OPCML: variants seen among roughly 807,000 people sequenced by gnomAD.
The protein encoded by OPCML is opioid binding protein/cell adhesion molecule like, also known as opioid-binding protein/cell adhesion molecule.
In OPCML, 13 loss-of-function variants were observed where a neutral mutation model predicts 37.8. The ratio of observed to expected loss-of-function variants is 0.34; its 90% confidence interval spans 0.22 to 0.55. The LOEUF (loss-of-function observed/expected upper bound fraction) is 0.55, where lower values mean the gene tolerates loss of function less well. OPCML is among the 20% of genes least tolerant of loss of function. The pLI is 0.91. For missense variants in OPCML, 341 were observed against 435.6 expected, an observed-to-expected ratio of 0.78 and a Z score of 1.93; for synonymous variants, 176 against 168.8, an observed-to-expected ratio of 1.04 and a Z score of -0.33.
intron 1 of OPCML, chr11:133,005,162 T>C (rs1947083613): frequency 1.0e-6 from 1 of 985,178 alleles, no homozygotes; most frequent in Non-Finnish European, 1.2e-6. Flanking sequence ...CCACTGACCC[T>C]CCACCCAATC....
chr11:133,060,072 GTTC>G (rs2136986086), intron 1 of OPCML, among the ~76,000 whole-genome samples: 1 of 152,156 alleles, frequency 6.6e-6, no homozygotes, highest in South Asian at 2.1e-4. Flanking sequence ...TTTTAAGGCC[GTTC>G]CTTTCTCTGG....
At chr11:132,716,643 A>T (rs562675166) in intron 2 of OPCML, among the ~76,000 whole-genome samples, 111 of 152,320 alleles carry the variant, frequency 7.3e-4, no homozygotes, top group African/African-American at 2.5e-3. Flanking sequence ...TTCCTATTTG[A>T]TATAACTTTA....
chr11:132,648,643 G>A (rs1042475817), intron 3 of OPCML, among the ~76,000 whole-genome samples: 1 of 151,546 alleles, frequency 6.6e-6, no homozygotes, highest in African/African-American at 2.4e-5. Context: ...CTGGGACTAC[G>A]GGCGCACGCC....
intron 3 of OPCML, among the ~76,000 whole-genome samples, chr11:132,536,988 C>T (rs947125828): frequency 6.6e-6 from 1 of 152,128 alleles, no homozygotes; most frequent in Non-Finnish European, 1.5e-5. Context: ...AGAATGGAGG[C>T]ATTGGATTGT....
At chr11:133,238,765 G>A (rs954863649) in intron 1 of OPCML, among the ~76,000 whole-genome samples, 23 of 152,066 alleles carry the variant, frequency 1.5e-4, no homozygotes, top group African/African-American at 5.1e-4. Flanking sequence ...CCAGTCCTTC[G>A]GGGAAAAAAA....
chr11:132,605,818 T>C (rs1224087124), intron 3 of OPCML, among the ~76,000 whole-genome samples: 2 of 152,168 alleles, frequency 1.3e-5, no homozygotes, highest in East Asian at 1.9e-4. Flanking sequence ...TAGTAGGTAC[T>C]CAACACATAG....
Position 132,929,487 on chromosome 11 carries a change from A to G in OPCML, c.146+13439T>C, listed in dbSNP as rs187819692. Among the ~76,000 whole-genome samples the G allele has an allele frequency of 5.3e-4, 80 of 152,292 alleles. No homozygotes were observed. The East Asian group carries it at 0.015, about 29-fold the overall frequency. On this transcript the variant is annotated intron_variant, in intron 2 of 7. Coordinates refer to ENST00000524381, the MANE Select transcript of OPCML (RefSeq NM_001012393.5). ...TTATCAAACATTTATAGGAGAATTA[A>G]CAGTTTTCCTATGACTCTCCCAAAA...
intron 2 of OPCML, among the ~76,000 whole-genome samples, chr11:132,911,488 G>C (rs1944426058): frequency 6.6e-6 from 1 of 152,226 alleles, no homozygotes; most frequent in Admixed American, 6.5e-5. Context: ...AGGAGAGTTT[G>C]CCTGATTGTC....
At chr11:133,191,168 T>C (rs891543619) in intron 1 of OPCML, among the ~76,000 whole-genome samples, 1 of 152,202 alleles carries the variant, frequency 6.6e-6, no homozygotes, top group South Asian at 2.1e-4. Flanking sequence ...TTTTTTATTA[T>C]GGCGAATGAG....
chr11:133,094,407 C>T (rs1948965567), intron 1 of OPCML, among the ~76,000 whole-genome samples: 1 of 152,128 alleles, frequency 6.6e-6, no homozygotes, highest in Non-Finnish European at 1.5e-5. Flanking sequence ...AGTCTACGAC[C>T]CATGATGATC....
rs1238823580 is a variant in OPCML at position 132,811,563 on chromosome 11, C to T, written c.146+131363G>A. 2.6e-5 allele frequency among the ~76,000 whole-genome samples: 4 copies of T among 152,096 alleles called. No individual in the cohort carries two copies. The East Asian group carries it at 5.8e-4, about 22-fold the overall frequency. On this transcript the variant is annotated intron_variant, in intron 2 of 7. Coordinates refer to ENST00000524381, the MANE Select transcript of OPCML (RefSeq NM_001012393.5). Reference sequence around the variant, plus strand: ...TGTCAACACCTCTTTCTTTCGGTTACGGTTTTGTGTATTTTTTCTTATGTG... The same window carrying T: ...TGTCAACACCTCTTTCTTTCGGTTATGGTTTTGTGTATTTTTTCTTATGTG...
chr11:133,024,480 G>T (rs934185794), intron 1 of OPCML: 19 of 985,170 alleles, frequency 1.9e-5, no homozygotes, highest in African/African-American at 1.4e-4. Context: ...AGAGGGGCAG[G>T]TTTCACGGGT....
chr11:132,548,443 G>A (rs2096373846), intron 3 of OPCML, among the ~76,000 whole-genome samples: 2 of 152,192 alleles, frequency 1.3e-5, no homozygotes, highest in African/African-American at 4.8e-5. Context: ...GCCTAGGGCA[G>A]GGGTGTTACT....
chr11:133,329,163 A>G (rs1259563724), intron 1 of OPCML, among the ~76,000 whole-genome samples: 1 of 152,220 alleles, frequency 6.6e-6, no homozygotes, highest in African/African-American at 2.4e-5. Context: ...ACTACAAACC[A>G]CTGCTCAAGG....
intron 1 of OPCML, chr11:133,298,634 A>T (rs953498434): frequency 6.6e-6 from 1 of 152,126 alleles, no homozygotes; most frequent in Non-Finnish European, 1.5e-5. Context: ...GGGAAAAAAA[A>T]CTATAAAGAA....
In OPCML at chr11:132,419,332, T is replaced by C. The variant is rs2095949418; in HGVS notation, c.*861A>G. Reference sequence around the variant, plus strand: ...GAAGACAGGTGGGTAGATAATTGGATGGTGAGATAAATCAGATATTTGAGT... The same window carrying C: ...GAAGACAGGTGGGTAGATAATTGGACGGTGAGATAAATCAGATATTTGAGT... On this transcript the variant is annotated 3_prime_UTR_variant, in exon 8 of 8. Coordinates refer to ENST00000524381, the MANE Select transcript of OPCML (RefSeq NM_001012393.5). 1 of 152,220 alleles carries C rather than the reference T, an allele frequency of 6.6e-6. No individual in the cohort carries two copies. Among genetic ancestry groups the C allele is most frequent in the South Asian group, 2.1e-4 (1 of 4,832 alleles). The allele number at this position is 152,220 out of a possible 1,614,324, so 9.4% of individuals were successfully genotyped here.
chr11:132,957,957 T>G (rs114292583), intron 1 of OPCML, among the ~76,000 whole-genome samples: 1,648 of 152,294 alleles, frequency 0.011, 37 homozygotes, highest in African/African-American at 0.038. Context: ...CAAAGGCCTC[T>G]AAGTGTTCAA....
At chr11:132,640,585 G>A (rs57917786) in intron 3 of OPCML, among the ~76,000 whole-genome samples, 7,107 of 152,108 alleles carry the variant, frequency 0.047, 380 homozygotes, top group African/African-American at 0.13. Context: ...ATTTTTGAGC[G>A]TCTAATCTAT....
Position 133,198,563 on chromosome 11 carries a change from C to T in OPCML, c.62-255553G>A, listed in dbSNP as rs568911636. On this transcript the variant is annotated intron_variant, in intron 1 of 7. Transcript: ENST00000524381. ...GGAACTAGATGGACATGAAGAAAGG[C>T]GTTGTCAGGGGAGACAAGAGGGCAG... Among the ~76,000 whole-genome samples, 8 of 152,156 alleles carry T rather than the reference C, an allele frequency of 5.3e-5. No homozygotes were observed. In the East Asian group the frequency reaches 5.8e-4, roughly 11 times the overall value.
Sources: allele counts gnomAD v4.1 joint callset (sites outside exome capture counted in the v4.1 genomes callset), GRCh38; gene constraint gnomAD v4.1.1; transcripts MANE v1.5; gene names NCBI Gene and HGNC (gene_info 2026-07-23, HGNC 2026-07-21).